Variants in ARHGAP6 observed in about 807,000 individuals in gnomAD.
The protein encoded by ARHGAP6 is rho GTPase-activating protein 6.
In ARHGAP6, 16 loss-of-function variants were observed where a neutral mutation model predicts 55.7. That is an observed-to-expected ratio of 0.29 (90% CI 0.19 to 0.44). The LOEUF (loss-of-function observed/expected upper bound fraction) is 0.44. Ranked by LOEUF, ARHGAP6 falls within the 20% of genes least tolerant of loss-of-function variation. The pLI, the probability that ARHGAP6 is intolerant of heterozygous loss-of-function variation, is 1.00. For synonymous variants in ARHGAP6, 382 were observed against 360.9 expected (o/e 1.06, Z -0.66); for missense variants, 698 against 808.9 (o/e 0.86, Z 1.66).
intron 1 of ARHGAP6, among the ~76,000 whole-genome samples, chrX:11,261,183 T>C (rs1010840182): frequency 8.9e-6 from 1 of 111,815 alleles, no homozygotes; most frequent in South Asian, 3.8e-4. Context: ...TGAAATAGCC[T>C]GTTGATAAGC....
intron 1 of ARHGAP6, among the ~76,000 whole-genome samples, chrX:11,274,068 G>C (rs1014186865): frequency 9.0e-6 from 1 of 111,060 alleles, no homozygotes. Flanking sequence ...CTGAGTTTGT[G>C]GTCTTAACCA....
intron 1 of ARHGAP6, among the ~76,000 whole-genome samples, chrX:11,506,728 G>T (rs751972503): frequency 2.7e-5 from 3 of 111,621 alleles, no homozygotes; most frequent in African/African-American, 9.8e-5. Flanking sequence ...ATAGCAGCAT[G>T]ATTTATAATC....
At chrX:11,514,983 G>A (rs145018525) in intron 1 of ARHGAP6, among the ~76,000 whole-genome samples, 2 of 111,100 alleles carry the variant, frequency 1.8e-5, no homozygotes, top group Non-Finnish European at 3.8e-5. Flanking sequence ...TAGCCATATG[G>A]TCTAATACGG....
In ARHGAP6 at chrX:11,218,118, T is replaced by C. The variant is rs763458149; in HGVS notation, c.749-21122A>G. ...CATGCTGTTTTGGTTACTGTAGCCT[T>C]GTAATATAGTTTGAAGTCAGGTAGC... On this transcript the variant is annotated intron_variant, in intron 2 of 12. Transcript: ENST00000337414. Among the ~76,000 whole-genome samples the C allele has an allele frequency of 2.7e-5, 3 of 112,067 alleles. No homozygotes were observed. In the East Asian group the frequency reaches 8.4e-4, roughly 31 times the overall value.
At chrX:11,502,677 A>T (rs896094230) in intron 1 of ARHGAP6, among the ~76,000 whole-genome samples, 1 of 111,758 alleles carries the variant, frequency 8.9e-6, no homozygotes, top group Non-Finnish European at 1.9e-5. Context: ...ATCTGCTTCT[A>T]CTTAATGAAT....
chrX:11,167,292 A>C (rs2046029961), intron 9 of ARHGAP6, among the ~76,000 whole-genome samples: 1 of 111,236 alleles, frequency 9.0e-6, no homozygotes, highest in Non-Finnish European at 1.9e-5. Context: ...AACAGTGGTG[A>C]GTGCTAAGGG....
intron 1 of ARHGAP6, among the ~76,000 whole-genome samples, chrX:11,361,897 C>G (rs763826448): frequency 1.8e-5 from 2 of 111,862 alleles, no homozygotes; most frequent in Non-Finnish European, 3.8e-5. Flanking sequence ...AAAAGACACA[C>G]GACAAAATGC....
Position 11,341,803 on chromosome X carries a change from A to G in ARHGAP6, c.589-87096T>C, listed in dbSNP as rs192299808. On this transcript the variant is annotated intron_variant, in intron 1 of 12. Coordinates refer to ENST00000337414, the MANE Select transcript of ARHGAP6 (RefSeq NM_013427.3). Reference sequence around the variant, plus strand: ...GCTGTCTTTTGCCAAAGTGTTACTCATCATCGTATATTCACCCAACAGATG... The same window carrying G: ...GCTGTCTTTTGCCAAAGTGTTACTCGTCATCGTATATTCACCCAACAGATG... Among the ~76,000 whole-genome samples, 19 of 111,827 alleles carry G rather than the reference A, an allele frequency of 1.7e-4. No homozygotes were observed. In the East Asian group the frequency reaches 3.6e-3, roughly 21 times the overall value.
chrX:11,179,074 A>G (rs1429066588), intron 7 of ARHGAP6, among the ~76,000 whole-genome samples: 1 of 112,308 alleles, frequency 8.9e-6, no homozygotes, highest in African/African-American at 3.2e-5. Context: ...GGGTTATTTG[A>G]AAGCATCTCA....
chrX:11,215,668 A>C (rs2046871738), intron 2 of ARHGAP6, among the ~76,000 whole-genome samples: 1 of 112,862 alleles, frequency 8.9e-6, no homozygotes, highest in Admixed American at 9.3e-5. Context: ...GCTCATGGAG[A>C]AGCCTGCGAA....
chrX:11,485,148 T>G (rs1289781032), intron 1 of ARHGAP6, among the ~76,000 whole-genome samples: 1 of 112,552 alleles, frequency 8.9e-6, no homozygotes, highest in Non-Finnish European at 1.9e-5. Flanking sequence ...AGATGTAACA[T>G]TCCCCTGTCT....
At chrX:11,235,224 C>T (rs967347165) in intron 2 of ARHGAP6, among the ~76,000 whole-genome samples, 5 of 113,265 alleles carry the variant, frequency 4.4e-5, no homozygotes, top group South Asian at 3.6e-4. Flanking sequence ...TGTGTACCCA[C>T]GGGACCAACA....
intron 1 of ARHGAP6, among the ~76,000 whole-genome samples, chrX:11,319,308 C>A (rs1442151940): frequency 8.9e-6 from 1 of 112,206 alleles, no homozygotes; most frequent in African/African-American, 3.2e-5. Context: ...ATCCATCCAT[C>A]TACATAGAAG....
chrX:11,185,452 T>C (rs1336548277), intron 5 of ARHGAP6, among the ~76,000 whole-genome samples: 1 of 112,056 alleles, frequency 8.9e-6, no homozygotes, highest in East Asian at 2.8e-4. Flanking sequence ...ACAGTAGTTA[T>C]ATCTATATGG....
chrX:11,280,900 A>T (rs1430291442), intron 1 of ARHGAP6, among the ~76,000 whole-genome samples: 3 of 111,562 alleles, frequency 2.7e-5, no homozygotes, highest in Non-Finnish European at 5.6e-5. Context: ...TCTGATAGCA[A>T]AAAAACCCAG....
At chrX:11,171,864 A>G (rs1406805058) in intron 8 of ARHGAP6, among the ~76,000 whole-genome samples, 2 of 111,551 alleles carry the variant, frequency 1.8e-5, no homozygotes, top group African/African-American at 6.5e-5. Context: ...CACAGTTGTG[A>G]CAACCAGAAT....
chrX:11,174,596 C>T (rs748834537), intron 8 of ARHGAP6, among the ~76,000 whole-genome samples: 742 of 63,741 alleles, frequency 0.012, 10 homozygotes, highest in Admixed American at 0.016. Flanking sequence ...CTTTCTTTTT[C>T]TTTCTTTCTT....
chrX:11,438,737 G>A (rs887560653), intron 1 of ARHGAP6, among the ~76,000 whole-genome samples: 11 of 112,572 alleles, frequency 9.8e-5, no homozygotes, highest in Non-Finnish European at 1.9e-4. Context: ...TGGGGTTCCT[G>A]GCAAAATTCC....
chrX:11,200,418 G>T (rs978345415), intron 2 of ARHGAP6, among the ~76,000 whole-genome samples: 13 of 112,439 alleles, frequency 1.2e-4, no homozygotes, highest in East Asian at 2.8e-4. Flanking sequence ...CAGATGGCAA[G>T]GCAGCAAGCT....
Sources: allele counts gnomAD v4.1 joint callset (sites outside exome capture counted in the v4.1 genomes callset), GRCh38; gene constraint gnomAD v4.1.1; transcripts MANE v1.5; gene names NCBI Gene and HGNC (gene_info 2026-07-23, HGNC 2026-07-21).